The following CHRM5 variants were observed in gnomAD, a reference collection of about 807,000 sequenced individuals.
The protein encoded by CHRM5 is cholinergic receptor muscarinic 5, also known as muscarinic acetylcholine receptor M5.
A neutral mutation model predicts 39.0 loss-of-function variants in CHRM5; 18 were observed. The ratio of observed to expected loss-of-function variants is 0.46; its 90% CI spans 0.32 to 0.68. The LOEUF (loss-of-function observed/expected upper bound fraction) is 0.68, where lower values mean the gene tolerates loss of function less well. Ranked by LOEUF, CHRM5 falls within the 30% of genes least tolerant of loss-of-function variation. CHRM5 has a pLI of 0.04. For synonymous variants in CHRM5, 241 were observed against 246.3 expected, an observed-to-expected ratio of 0.98 and a Z score of 0.20; for missense variants, 515 against 651.1, an observed-to-expected ratio of 0.79 and a Z score of 2.28.
At chr15:34,039,223 G>C in intron 1 of CHRM5, 1 of 426,178 alleles carries the variant, frequency 2.3e-6, no homozygotes, top group Non-Finnish European at 3.2e-6. Context: ...GCGGGGCGGG[G>C]CGGCCGGCGT....
At chr15:33,999,796 C>A (rs1375441004) in intron 1 of CHRM5, among the ~76,000 whole-genome samples, 2 of 152,142 alleles carry the variant, frequency 1.3e-5, no homozygotes, top group Non-Finnish European at 2.9e-5. Context: ...CTACCCGCTC[C>A]CCTCTTGCCA....
intron 2 of CHRM5, among the ~76,000 whole-genome samples, chr15:34,062,312 T>C (rs113708468): frequency 0.015 from 2,294 of 152,222 alleles, 69 homozygotes; most frequent in African/African-American, 0.054. Context: ...TCCCAGCACT[T>C]TGGGAGGCCG....
At chr15:33,991,490 C>A in intron 1 of CHRM5, 1 of 144,626 alleles carries the variant, frequency 6.9e-6, no homozygotes. Flanking sequence ...TACTACGGAC[C>A]CACAAAAATA....
intron 1 of CHRM5, among the ~76,000 whole-genome samples, chr15:33,989,512 A>G (rs1320822707): frequency 6.6e-6 from 1 of 151,748 alleles, no homozygotes; most frequent in East Asian, 1.9e-4. Flanking sequence ...GACGCCCACC[A>G]AGTGTTCCTT....
In CHRM5 at chr15:34,052,096, CAATGAAATACTGGCA is replaced by C. The variant is rs533362190; in HGVS notation, c.-76+5234_-76+5248del. On this transcript the variant is annotated intron_variant, in intron 2 of 2. Coordinates refer to ENST00000383263, the MANE Select transcript of CHRM5 (RefSeq NM_012125.4). ...TGATGAACACTGATGCAAAAATCCT[CAATGAAATACTGGCA>C]AATGAAATCCAGCAGCACATCAAAA... Among the ~76,000 whole-genome samples the C allele has an allele frequency of 2.9e-3, 447 of 152,276 alleles. 2 individuals are homozygous for C. Among genetic ancestry groups the C allele is most frequent in the African/African-American group, 0.01 (416 of 41,568 alleles).
At chr15:33,996,583 A>G (rs949441096) in intron 1 of CHRM5, among the ~76,000 whole-genome samples, 17 of 152,348 alleles carry the variant, frequency 1.1e-4, no homozygotes, top group African/African-American at 3.6e-4. Context: ...TGGACCTCCC[A>G]CAAACTCCAA....
In CHRM5 at chr15:34,065,086, C is replaced by T. The variant is rs1384777196; in HGVS notation, c.*770C>T. ...CTACTAATAAAGATGGATCAAGTCT[C>T]CACAGTCAGTTATTTTAGTTTTTGC... On this transcript the variant is annotated 3_prime_UTR_variant, in exon 3 of 3. Transcript: ENST00000383263. 1.2e-5 allele frequency: 2 copies of T among 166,240 alleles called. No homozygotes were observed. The highest frequency in any genetic ancestry group is 4.8e-5 in the African/African-American group (2 of 41,450). The allele number at this position is 166,240 out of a possible 1,614,324, so 10.3% of individuals were successfully genotyped here. A position where few individuals can be genotyped will look rare whatever the true frequency, so the allele number is the denominator to read the frequency against.
In CHRM5 at chr15:34,063,893, G is replaced by T; in HGVS notation, c.1176G>T (p.Glu392Asp). The change falls in exon 3 of 3, where the codon GAG becomes GAT. Residue 392 changes from glutamate (E) to aspartate (D), a missense_variant. Coordinates refer to ENST00000383263, the MANE Select transcript of CHRM5 (RefSeq NM_012125.4). The surrounding 1 kb of genome is among the most constrained non-coding windows in gnomAD (Gnocchi z 4.1). The stretch of plus-strand genomic sequence containing the variant: ...TGGTAAAAGCTGACGGGAACCAGGA[G>T]ACCAACAATGGCTGTCACAAGGTGA... ...RLVVKADGNQ[E>D]TNNGCHKVKI... The T allele has an allele frequency of 6.8e-6, 11 of 1,614,184 alleles. No individual in the cohort carries two copies. The highest frequency in any genetic ancestry group is 9.3e-6 in the Non-Finnish European group (11 of 1,180,038).
chr15:34,017,747 T>C (rs1898004422), intron 1 of CHRM5, among the ~76,000 whole-genome samples: 1 of 152,148 alleles, frequency 6.6e-6, no homozygotes, highest in Non-Finnish European at 1.5e-5. Flanking sequence ...CCCAAAGTGC[T>C]GGGATTACAG....
intron 1 of CHRM5, among the ~76,000 whole-genome samples, chr15:34,010,319 TC>T (rs2140661555): frequency 6.6e-6 from 1 of 152,214 alleles, no homozygotes; most frequent in Non-Finnish European, 1.5e-5. Context: ...ACCTTTTCTT[TC>T]CAAAATAAAT....
At chr15:34,029,890 T>A (rs1171917300) in intron 1 of CHRM5, among the ~76,000 whole-genome samples, 1 of 152,182 alleles carries the variant, frequency 6.6e-6, no homozygotes, top group Non-Finnish European at 1.5e-5. Flanking sequence ...AAAAATGATG[T>A]TGAAACATTC....
chr15:34,033,840 A>G (rs1373673787), intron 1 of CHRM5, among the ~76,000 whole-genome samples: 1 of 152,110 alleles, frequency 6.6e-6, no homozygotes, highest in African/African-American at 2.4e-5. Context: ...CAGGGTAAAG[A>G]GCAGTGGCGC....
intron 1 of CHRM5, among the ~76,000 whole-genome samples, chr15:34,017,576 T>A (rs1340833888): frequency 6.8e-6 from 1 of 147,502 alleles, no homozygotes; most frequent in East Asian, 2.0e-4. Context: ...CATCTCCCAG[T>A]TCAAGCAATT....
At position 34,064,442 on chromosome 15, in the gene CHRM5, G is replaced by A. The variant is rs1007353435; in HGVS notation, c.*126G>A. 4 of 1,212,736 alleles carry A rather than the reference G, an allele frequency of 3.3e-6. No homozygotes were observed. The African/African-American group carries it at 6.1e-5, about 19-fold the overall frequency. 75.1% of individuals were successfully genotyped at this position (1,212,736 alleles called of 1,614,324 possible). On this transcript the variant is annotated 3_prime_UTR_variant, in exon 3 of 3. Transcript: ENST00000383263. ...TCATTTTGAGTCCTTGAAGATTTTT[G>A]TAAAGGCTCAAGTTTGGTTGCCAAA...
intron 1 of CHRM5, among the ~76,000 whole-genome samples, chr15:34,037,540 A>G (rs574241327): frequency 6.7e-6 from 1 of 149,112 alleles, no homozygotes; most frequent in Non-Finnish European, 1.5e-5. Context: ...ATAATTCTAC[A>G]TTACATATAT....
chr15:34,016,938 G>A (rs1017464624), intron 1 of CHRM5, among the ~76,000 whole-genome samples: 12 of 151,962 alleles, frequency 7.9e-5, no homozygotes, highest in Admixed American at 3.3e-4. Flanking sequence ...AGATCAGCCC[G>A]GACAACATGG....
chr15:34,007,786 T>C (rs1897421503), intron 1 of CHRM5, among the ~76,000 whole-genome samples: 1 of 152,176 alleles, frequency 6.6e-6, no homozygotes, highest in South Asian at 2.1e-4. Flanking sequence ...ATCTGGGTAT[T>C]GGTAGGGTTG....
At chr15:34,020,423 G>A (rs928703441) in intron 1 of CHRM5, among the ~76,000 whole-genome samples, 9 of 152,212 alleles carry the variant, frequency 5.9e-5, no homozygotes, top group African/African-American at 2.2e-4. Flanking sequence ...ATCCAAGGAG[G>A]CAAATTAGAA....
At chr15:34,036,882 G>A (rs1899153097) in intron 1 of CHRM5, among the ~76,000 whole-genome samples, 1 of 152,040 alleles carries the variant, frequency 6.6e-6, no homozygotes. Context: ...GGCCGAGGCG[G>A]GTGGATCACC....
Sources: allele counts gnomAD v4.1 joint callset (sites outside exome capture counted in the v4.1 genomes callset), GRCh38; gene constraint gnomAD v4.1.1; non-coding constraint Gnocchi (gnomAD v3.1); transcripts MANE v1.5; gene names NCBI Gene and HGNC (gene_info 2026-07-23, HGNC 2026-07-21).